PPARGC1B: variants seen among roughly 807,000 people sequenced by gnomAD.
PPARGC1B encodes PPARG coactivator 1 beta, also known as peroxisome proliferator-activated receptor gamma coactivator 1-beta.
In PPARGC1B, 34 loss-of-function variants were observed where a neutral mutation model predicts 101.6. That is an observed-to-expected ratio of 0.33 (90% CI 0.25 to 0.45). PPARGC1B has a LOEUF of 0.45. Ranked by LOEUF, PPARGC1B falls within the 20% of genes least tolerant of loss-of-function variation. PPARGC1B has a pLI of 1.00. For missense variants in PPARGC1B, 1,234 were observed against 1,317.6 expected, an observed-to-expected ratio of 0.94 and a Z score of 0.98; for synonymous variants, 548 against 539.3, an observed-to-expected ratio of 1.02 and a Z score of -0.22.
intron 1 of PPARGC1B, among the ~76,000 whole-genome samples, chr5:149,797,575 T>C (rs557930276): frequency 6.6e-6 from 1 of 152,368 alleles, no homozygotes; most frequent in South Asian, 2.1e-4. Flanking sequence ...TTTGTAAATA[T>C]ATTTTGATAG....
rs539294147 is a variant in PPARGC1B at position 149,772,072 on chromosome 5, G to C, written c.78+41652G>C. ...AGGCTGTGCACAGGTGGGGACCTCT[G>C]AGGGGCCTGCTCTGATCTGGGTTGG... On this transcript the variant is annotated intron_variant, in intron 1 of 11. Transcript: ENST00000309241. 5.8e-6 allele frequency: 9 copies of C among 1,564,066 alleles called. No homozygotes were observed. In the East Asian group the frequency reaches 1.9e-4, roughly 33 times the overall value.
At chr5:149,732,726 G>C in intron 1 of PPARGC1B, 1 of 460,696 alleles carries the variant, frequency 2.2e-6, no homozygotes, top group Non-Finnish European at 4.5e-6. Flanking sequence ...ACCTGGGCGG[G>C]CCCAGTGTGC....
In PPARGC1B at chr5:149,833,734, GGGACATGGATGA is replaced by G; in HGVS notation, c.1666_1677del (p.Met556_Asp559del). On this transcript the variant is annotated inframe_deletion, in exon 5 of 12. Coordinates refer to ENST00000309241, the MANE Select transcript of PPARGC1B (RefSeq NM_133263.4). This position sits in a 1 kb window ranked among gnomAD's most constrained non-coding sequence, Gnocchi z 4.1. ...GAGAGCCCCTGTGAGAGTGGGTGTG[GGGACATGGATGA>G]GGACCCCAGCTGCCCGCAGCTCCCT... 1 of 1,582,208 alleles carries G rather than the reference GGGACATGGATGA, an allele frequency of 6.3e-7. No individual in the cohort carries two copies. The highest frequency in any genetic ancestry group is 8.6e-7 in the Non-Finnish European group (1 of 1,167,626).
At chr5:149,753,025 T>G (rs10076303) in intron 1 of PPARGC1B, among the ~76,000 whole-genome samples, 50,336 of 152,036 alleles carry the variant, frequency 0.33, 8,824 homozygotes, top group Non-Finnish European at 0.39. Context: ...ACTTGCTGCC[T>G]CCTGGGTTTT....
rs1034611154 is a variant in PPARGC1B at position 149,852,632 on chromosome 5, A to G, written c.*5074A>G. The G allele has an allele frequency of 1.3e-5, 2 of 151,844 alleles. No individual in the cohort carries two copies. Among genetic ancestry groups the G allele is most frequent in the Admixed American group, 6.6e-5 (1 of 15,250 alleles). The allele number at this position is 151,844 out of a possible 1,614,324, so 9.4% of individuals were successfully genotyped here. A position where few individuals can be genotyped will look rare whatever the true frequency, so the allele number is the denominator to read the frequency against. ...TCACATTAACCTTGTCTTTGTCCCCACTGGATAGCTGTTAATCCGAATGTT... is the reference window on the plus strand; with the variant it reads ...TCACATTAACCTTGTCTTTGTCCCCGCTGGATAGCTGTTAATCCGAATGTT... On this transcript the variant is annotated 3_prime_UTR_variant, in exon 12 of 12. Coordinates refer to ENST00000309241, the MANE Select transcript of PPARGC1B (RefSeq NM_133263.4).
rs1757968784 is a variant in PPARGC1B, at chr5:149,814,249, G to C, written c.79-6184G>C. On this transcript the variant is annotated intron_variant, in intron 1 of 11. Coordinates refer to ENST00000309241, the MANE Select transcript of PPARGC1B (RefSeq NM_133263.4). ...AAGCCAGTGCCCTTTTGCCTCCCTT[G>C]TCTAGGCTTCCTTCCATCTCAAGAC... Among the ~76,000 whole-genome samples the C allele has an allele frequency of 2.6e-5, 4 of 152,194 alleles. No individual in the cohort carries two copies. The South Asian group carries it at 8.3e-4, about 32-fold the overall frequency.
intron 1 of PPARGC1B, among the ~76,000 whole-genome samples, chr5:149,764,626 G>A (rs1400290190): frequency 6.6e-6 from 1 of 152,204 alleles, no homozygotes; most frequent in African/African-American, 2.4e-5. Flanking sequence ...AGGTGGGTGA[G>A]TTAACTCGGA....
rs1759822474 is a variant in PPARGC1B, at chr5:149,852,993, G to C, written c.*5435G>C. The C allele has an allele frequency of 6.6e-6, 1 of 152,064 alleles. No homozygotes were observed. The highest frequency in any genetic ancestry group is 1.5e-5 in the Non-Finnish European group (1 of 68,026). 9.4% of individuals were successfully genotyped at this position (152,064 alleles called of 1,614,324 possible). A position where few individuals can be genotyped will look rare whatever the true frequency, so the allele number is the denominator to read the frequency against. ...GGGGCTTGGAAAATAGGTTTTATAG[G>C]TGGTCGGTCCCTGGGCTGTGCAACA... On this transcript the variant is annotated 3_prime_UTR_variant, in exon 12 of 12. Coordinates refer to ENST00000309241, the MANE Select transcript of PPARGC1B (RefSeq NM_133263.4).
chr5:149,846,038 T>C lies in PPARGC1B; in HGVS notation c.2971+124T>C, dbSNP rs543334776. 5.2e-6 allele frequency: 6 copies of C among 1,153,110 alleles called. No homozygotes were observed. The African/African-American group carries it at 7.7e-5, about 15-fold the overall frequency. 71.4% of individuals were successfully genotyped at this position (1,153,110 alleles called of 1,614,324 possible). On this transcript the variant is annotated intron_variant, in intron 11 of 11. Coordinates refer to ENST00000309241, the MANE Select transcript of PPARGC1B (RefSeq NM_133263.4). ...TAGCTTCCATCCCCACACCCCAGTG[T>C]GCTGCTTGGTATAACTTTGCAGCCA...
At position 149,849,529 on chromosome 5, in the gene PPARGC1B, C is replaced by G. The variant is rs1759693489; in HGVS notation, c.*1971C>G. 2 of 152,254 alleles carry G rather than the reference C, an allele frequency of 1.3e-5. No homozygotes were observed. Among genetic ancestry groups the G allele is most frequent in the African/African-American group, 4.8e-5 (2 of 41,470 alleles). The allele number at this position is 152,254 out of a possible 1,614,324, so 9.4% of individuals were successfully genotyped here. ...GACATAACTAATCAATCACACCACT[C>G]AGGTTCCCTGAGCCTGGATGTGCTA... is the stretch of plus-strand genomic sequence containing the variant. On this transcript the variant is annotated 3_prime_UTR_variant, in exon 12 of 12. Transcript: ENST00000309241.
chr5:149,847,303 G>A, intron 11 of PPARGC1B, 155 bp from the exon 12 acceptor site: 1 of 766,464 alleles, frequency 1.3e-6, no homozygotes. Flanking sequence ...ATGGCAGGCA[G>A]TGCCCACAGT....
At chr5:149,801,704 G>A (rs1000051450) in intron 1 of PPARGC1B, among the ~76,000 whole-genome samples, 1 of 152,204 alleles carries the variant, frequency 6.6e-6, no homozygotes, top group African/African-American at 2.4e-5. Flanking sequence ...GCCGCCTGGT[G>A]GGGGCTGGAG....
At chr5:149,763,526 G>GT (rs70973540) in intron 1 of PPARGC1B, among the ~76,000 whole-genome samples, 2,089 of 67,714 alleles carry the variant, frequency 0.031, 80 homozygotes, top group African/African-American at 0.068. Flanking sequence ...TTCACTCCTG[G>GT]TTTTTTTTTT....
In PPARGC1B at chr5:149,744,976, A is replaced by G. The variant is rs1483603755; in HGVS notation, c.78+14556A>G. Among the ~76,000 whole-genome samples the G allele has an allele frequency of 5.4e-5, 8 of 148,112 alleles. No homozygotes were observed. The East Asian group carries it at 1.6e-3, about 29-fold the overall frequency. On this transcript the variant is annotated intron_variant, in intron 1 of 11. Coordinates refer to ENST00000309241, the MANE Select transcript of PPARGC1B (RefSeq NM_133263.4). ...CAAGCTGGTGCGATCAAGGAGGCTC[A>G]CTGCAGTCTCGACCTCTTGGGCTCA...
chr5:149,830,906 A>G (rs767455901), intron 4 of PPARGC1B, 23 bp downstream of exon 4: 4 of 1,503,280 alleles, frequency 2.7e-6, no homozygotes, highest in African/African-American at 2.8e-5. Flanking sequence ...ATGCCCCCAA[A>G]TCTACCCCAG....
chr5:149,826,199 G>T (rs1257017320), intron 2 of PPARGC1B, among the ~76,000 whole-genome samples: 1 of 152,150 alleles, frequency 6.6e-6, no homozygotes, highest in Non-Finnish European at 1.5e-5. Context: ...TAGCTGCCTC[G>T]TCACTGCTGT....
At chr5:149,790,344 C>T (rs974838095) in intron 1 of PPARGC1B, among the ~76,000 whole-genome samples, 1 of 152,040 alleles carries the variant, frequency 6.6e-6, no homozygotes, top group African/African-American at 2.4e-5. Context: ...GTGTGGAAGC[C>T]TGGTGGCTTC....
At chr5:149,802,786 C>T (rs545524450) in intron 1 of PPARGC1B, among the ~76,000 whole-genome samples, 1 of 152,180 alleles carries the variant, frequency 6.6e-6, no homozygotes, top group African/African-American at 2.4e-5. Flanking sequence ...TTAAATGTGC[C>T]TATGAATCAC....
intron 1 of PPARGC1B, chr5:149,818,982 T>C (rs889415093): frequency 2.4e-6 from 1 of 420,116 alleles, no homozygotes. Context: ...CCATTCTGTT[T>C]CTGTGTCAGC....
Sources: gnomAD v4.1 joint callset for allele counts (sites outside exome capture counted in the v4.1 genomes callset) on GRCh38, gnomAD v4.1.1 for gene constraint, Gnocchi (gnomAD v3.1) non-coding constraint, MANE v1.5 for transcripts, NCBI Gene and HGNC (gene_info 2026-07-23, HGNC 2026-07-21) for gene names.